The following FHIT variants were observed in gnomAD, a reference collection of about 807,000 sequenced individuals.
FHIT encodes fragile histidine triad diadenosine triphosphatase.
FHIT carries 19 observed loss-of-function variants against 17.9 expected under a neutral mutation model. That is an observed-to-expected ratio of 1.06 (90% confidence interval 0.74 to 1.56). FHIT has a LOEUF of 1.56. FHIT is among the 40% of genes most tolerant of loss of function. The pLI is 0.00. For synonymous variants in FHIT, 81 were observed against 69.7 expected, an observed-to-expected ratio of 1.16 and a Z score of -0.81; for missense variants, 248 against 189.2, an observed-to-expected ratio of 1.31 and a Z score of -1.82.
intron 9 of FHIT, chr3:59,750,860 G>A (rs1015499567): frequency 2.0e-5 from 4 of 202,754 alleles, no homozygotes; most frequent in African/African-American, 9.2e-5. Flanking sequence ...TAAAAATCAT[G>A]ATCACTAAGT....
chr3:59,982,926 T>C (rs1342585852), intron 7 of FHIT, among the ~76,000 whole-genome samples: 1 of 152,040 alleles, frequency 6.6e-6, no homozygotes, highest in Admixed American at 6.6e-5. Context: ...TGAAGTCCTA[T>C]GCATCGTGCA....
intron 5 of FHIT, among the ~76,000 whole-genome samples, chr3:60,510,614 G>A (rs1233778343): frequency 7.8e-6 from 1 of 127,648 alleles, no homozygotes; most frequent in Non-Finnish European, 1.7e-5. Context: ...AGACGATAAA[G>A]ACCAGGCTTC....
At chr3:60,723,085 T>G (rs920944675) in intron 4 of FHIT, among the ~76,000 whole-genome samples, 8 of 152,150 alleles carry the variant, frequency 5.3e-5, no homozygotes, top group Non-Finnish European at 1.2e-4. Context: ...CAGACTCCCC[T>G]CTAGACTCTT....
At chr3:60,206,165 A>ATTATTATT (rs1553712162) in intron 5 of FHIT, among the ~76,000 whole-genome samples, 22 of 115,784 alleles carry the variant, frequency 1.9e-4, no homozygotes, top group Admixed American at 8.7e-4. Flanking sequence ...TAATAATAAT[A>ATTATTATT]ATAATAATTA....
chr3:60,913,911 G>C (rs1706869971), intron 3 of FHIT, among the ~76,000 whole-genome samples: 1 of 152,232 alleles, frequency 6.6e-6, no homozygotes. Context: ...CCAAGACAGT[G>C]AAGTCAGCCA....
chr3:59,954,465 A>T (rs889159206), intron 7 of FHIT, among the ~76,000 whole-genome samples: 2 of 152,118 alleles, frequency 1.3e-5, no homozygotes, highest in South Asian at 2.1e-4. Context: ...TTAGGGGAAA[A>T]CACACACACC....
intron 1 of FHIT, among the ~76,000 whole-genome samples, chr3:61,250,152 T>A (rs1327860384): frequency 6.6e-6 from 1 of 152,208 alleles, no homozygotes. Context: ...CCAGGAGACA[T>A]CTCGCCGTGC....
chr3:60,963,752 T>C (rs2107505681), intron 3 of FHIT, among the ~76,000 whole-genome samples: 1 of 152,296 alleles, frequency 6.6e-6, no homozygotes, highest in South Asian at 2.1e-4. Flanking sequence ...TGAATGAGTT[T>C]CTTAATCCTC....
intron 5 of FHIT, among the ~76,000 whole-genome samples, chr3:60,112,403 G>A (rs1172086061): frequency 4.6e-5 from 7 of 152,142 alleles, no homozygotes; most frequent in Non-Finnish European, 8.8e-5. Context: ...CTGTGGTCCC[G>A]AGTTTCAGAA....
At chr3:60,986,145 G>C (rs962772452) in intron 3 of FHIT, among the ~76,000 whole-genome samples, 1 of 152,192 alleles carries the variant, frequency 6.6e-6, no homozygotes, top group Non-Finnish European at 1.5e-5. Flanking sequence ...AGGTAACTTA[G>C]GCCTGAGTCC....
intron 7 of FHIT, among the ~76,000 whole-genome samples, chr3:59,978,583 A>C (rs17031569): frequency 0.099 from 15,051 of 151,564 alleles, 821 homozygotes; most frequent in Middle Eastern, 0.18. Context: ...TATCTGAAAC[A>C]ACCCATACAA....
At chr3:61,106,113 A>G (rs1026201470) in intron 2 of FHIT, among the ~76,000 whole-genome samples, 6 of 152,332 alleles carry the variant, frequency 3.9e-5, no homozygotes, top group East Asian at 1.9e-4. Context: ...CTTGACAAAC[A>G]AGGACCTACT....
intron 4 of FHIT, among the ~76,000 whole-genome samples, chr3:60,609,216 G>A (rs1237130255): frequency 6.6e-6 from 1 of 152,100 alleles, no homozygotes; most frequent in Non-Finnish European, 1.5e-5. Context: ...TCTCATGTAT[G>A]GGAGGCATAA....
At chr3:60,118,261 C>G (rs979603989) in intron 5 of FHIT, among the ~76,000 whole-genome samples, 1 of 151,622 alleles carries the variant, frequency 6.6e-6, no homozygotes, top group Non-Finnish European at 1.5e-5. Context: ...TGCACACCAC[C>G]ATATCCAGCT....
chr3:60,950,970 C>A (rs560239239), intron 3 of FHIT, among the ~76,000 whole-genome samples: 1 of 152,092 alleles, frequency 6.6e-6, no homozygotes, highest in African/African-American at 2.4e-5. Flanking sequence ...AAAAATAACA[C>A]GCTAAGAACA....
chr3:60,558,680 C>G (rs1284708730), intron 4 of FHIT, among the ~76,000 whole-genome samples: 1 of 152,134 alleles, frequency 6.6e-6, no homozygotes, highest in Admixed American at 6.5e-5. Context: ...CCAGGAAGGG[C>G]CCAGGCCTAG....
chr3:59,803,343 C>T (rs775776752), intron 8 of FHIT, among the ~76,000 whole-genome samples: 31 of 152,124 alleles, frequency 2.0e-4, no homozygotes, highest in African/African-American at 2.9e-4. Flanking sequence ...ACGGGGCCAG[C>T]GAAGGATTCT....
intron 2 of FHIT, among the ~76,000 whole-genome samples, chr3:61,107,870 C>T: frequency 6.6e-6 from 1 of 152,214 alleles, no homozygotes; most frequent in East Asian, 1.9e-4. Flanking sequence ...GGGCGCTTGC[C>T]TTATTTGAAC....
chr3:59,818,910 T>C (rs1249518427), intron 8 of FHIT, among the ~76,000 whole-genome samples: 1 of 152,228 alleles, frequency 6.6e-6, no homozygotes, highest in East Asian at 1.9e-4. Context: ...AGCATGGATA[T>C]GACACTAGCC....
Sources: allele counts gnomAD v4.1 joint callset (sites outside exome capture counted in the v4.1 genomes callset), GRCh38; gene constraint gnomAD v4.1.1; transcripts MANE v1.5; gene names NCBI Gene and HGNC (gene_info 2026-07-23, HGNC 2026-07-21).